EP400: variants seen among roughly 807,000 people sequenced by gnomAD.
The protein encoded by EP400 is E1A binding protein p400.
EP400 carries 105 observed loss-of-function variants against 354.1 expected under a neutral mutation model. That is an observed-to-expected ratio of 0.30 (90% CI 0.25 to 0.35). The LOEUF (loss-of-function observed/expected upper bound fraction) is 0.35. Ranked by LOEUF, EP400 falls within the 10% of genes least tolerant of loss-of-function variation. The pLI, the probability that EP400 is intolerant of heterozygous loss-of-function variation, is 1.00. For synonymous variants in EP400, 1,646 were observed against 1,716.9 expected (o/e 0.96, Z 1.02); for missense variants, 3,280 against 4,121.0 (o/e 0.80, Z 5.59).
In EP400 at chr12:131,986,537, T is replaced by C. The variant is rs1892859950; in HGVS notation, c.1953T>C (p.Pro651=). 6.2e-7 allele frequency: 1 copy of C among 1,610,240 alleles called. No individual in the cohort carries two copies. The highest frequency in any genetic ancestry group is 1.3e-5 in the African/African-American group (1 of 74,922). The change falls in exon 6 of 53, where the codon CCT becomes CCC. Residue 651 remains proline, a synonymous_variant. Coordinates refer to ENST00000389561, the MANE Select transcript of EP400 (RefSeq NM_015409.5). ...AGATGGTAGCATCGACAAGGCTCCC[T>C]GTGGACCCTGCCCCGCCCTGCCCAC... ...LPQMVASTRL[P]VDPAPPCPRP... is the part of the protein sequence containing the mutation.
At chr12:132,076,319 GCAGT>G in intron 51 of EP400, 193 bp from the exon 52 acceptor site, 1 of 683,200 alleles carries the variant, frequency 1.5e-6, no homozygotes, top group Non-Finnish European at 2.7e-6. Context: ...AATTGGGGAG[GCAGT>G]CAGTTGACTC....
intron 1 of EP400, among the ~76,000 whole-genome samples, chr12:131,957,624 T>C (rs1282749133): frequency 6.6e-6 from 1 of 151,810 alleles, no homozygotes; most frequent in Non-Finnish European, 1.5e-5. Flanking sequence ...TGAGACAGTT[T>C]TGGTTTTGTT....
At chr12:131,962,055 T>A in intron 2 of EP400, 101 bp downstream of exon 2, 4 of 1,409,860 alleles carry the variant, frequency 2.8e-6, no homozygotes, top group Non-Finnish European at 3.8e-6. Flanking sequence ...GCGGTATTTC[T>A]AAGGTATTTC....
At chr12:131,963,183 C>G (rs917327590) in intron 2 of EP400, among the ~76,000 whole-genome samples, 1 of 152,188 alleles carries the variant, frequency 6.6e-6, no homozygotes, top group Non-Finnish European at 1.5e-5. Flanking sequence ...AGACCTTTGC[C>G]ATTCTGACCC....
In EP400 at chr12:132,017,403, T is replaced by G. The variant is rs770254425; in HGVS notation, c.3924-132T>G. 7 of 902,576 alleles carry G rather than the reference T, an allele frequency of 7.8e-6. No homozygotes were observed. The highest frequency in any genetic ancestry group is 1.0e-5 in the Non-Finnish European group (6 of 590,148). 55.9% of individuals were successfully genotyped at this position (902,576 alleles called of 1,614,324 possible). ...TGTGGACTTGAATGGCCACTCTGTC[T>G]AACTCATTAAGCGGACCTAGAAAAT... On this transcript the variant is annotated intron_variant, in intron 19 of 52. Coordinates refer to ENST00000389561, the MANE Select transcript of EP400 (RefSeq NM_015409.5). The surrounding 1 kb of genome is among the most constrained non-coding windows in gnomAD (Gnocchi z 5.0).
At chr12:131,981,148 GC>G (rs1430810046) in intron 3 of EP400, among the ~76,000 whole-genome samples, 2 of 152,140 alleles carry the variant, frequency 1.3e-5, no homozygotes, top group Non-Finnish European at 2.9e-5. Flanking sequence ...CTGCTCCACT[GC>G]CCGCTCTCCA....
Position 132,077,653 on chromosome 12 carries a change from A to G in EP400, c.9352A>G (p.Thr3118Ala), listed in dbSNP as rs1292569588. The G allele has an allele frequency of 1.2e-6, 2 of 1,611,282 alleles. No homozygotes were observed. The highest frequency in any genetic ancestry group is 2.2e-5 in the South Asian group (2 of 90,848). The part of the protein sequence containing the change: ...RVPAVRLKTP[T>A]KPPCQ The stretch of plus-strand genomic sequence containing the variant: ...CCCTGCTGTCAGGCTAAAGACACCT[A>G]CTAAGCCTCCGTGCCAGTAGTCAGG... Residue 3118 changes from threonine to alanine, a missense_variant, in exon 53 of 53, where the codon ACT becomes GCT. Thr to Ala is a moderately conservative substitution (Grantham distance 58). Transcript: ENST00000389561.
At chr12:131,997,708 G>T (rs551261551) in intron 12 of EP400, among the ~76,000 whole-genome samples, 54 of 151,118 alleles carry the variant, frequency 3.6e-4, no homozygotes, top group African/African-American at 1.2e-3. Flanking sequence ...CTTCATCCTC[G>T]TCATCTTCAC....
chr12:131,972,213 C>T (rs61942458), intron 2 of EP400, among the ~76,000 whole-genome samples: 18,992 of 150,724 alleles, frequency 0.13, 1,631 homozygotes, highest in African/African-American at 0.25. Flanking sequence ...AGTGCAGTGG[C>T]GCGATCTCGG....
chr12:131,970,356 G>A (rs1892247109), intron 2 of EP400, among the ~76,000 whole-genome samples: 1 of 144,056 alleles, frequency 6.9e-6, no homozygotes, highest in Admixed American at 6.8e-5. Context: ...ATTCTCATCT[G>A]CTTTTGATGA....
At chr12:131,986,458 T>C in intron 5 of EP400, 56 bp from the exon 6 acceptor site, 1 of 1,526,964 alleles carries the variant, frequency 6.5e-7, no homozygotes, top group East Asian at 2.3e-5. Context: ...TTTGGCACCG[T>C]GGGCTGCCCC....
chr12:131,992,700 A>G (rs1312401448), intron 11 of EP400, among the ~76,000 whole-genome samples: 1 of 152,084 alleles, frequency 6.6e-6, no homozygotes, highest in East Asian at 1.9e-4. Context: ...CCTATTTCCA[A>G]ACCCATGTGG....
chr12:132,044,119 G>A (rs201904838), intron 34 of EP400, 58 bp from the exon 35 acceptor site: 66 of 1,595,266 alleles, frequency 4.1e-5, no homozygotes, highest in South Asian at 5.6e-5. Context: ...GCAGGGACTC[G>A]GGGGCTGCTC....
chr12:131,952,302 C>CAA (rs927214848), intron 1 of EP400, among the ~76,000 whole-genome samples: 506 of 46,644 alleles, frequency 0.011, 2 homozygotes, highest in Non-Finnish European at 0.019. Flanking sequence ...GACTCTGTCT[C>CAA]AAAAAAAAAA....
rs770796136 is a variant in EP400, at chr12:132,006,177, A to C, written c.3001A>C (p.Ile1001Leu). The stretch of plus-strand genomic sequence containing the variant: ...CTTGGTTCTCATCGACTCGCTTTTC[A>C]TCATGGATCAGTTCAAAGCTGCCGA... ...KDLVLIDSLF[I>L]MDQFKAAERM... The change falls in exon 14 of 53, where the codon ATC becomes CTC. Residue 1001 changes from isoleucine to leucine, a missense_variant. By Grantham distance (5) the Ile-to-Leu change is conservative. Coordinates refer to ENST00000389561, the MANE Select transcript of EP400 (RefSeq NM_015409.5). 5.6e-5 allele frequency: 91 copies of C among 1,614,188 alleles called. No individual in the cohort carries two copies. Among genetic ancestry groups the C allele is most frequent in the Non-Finnish European group, 5.8e-5 (69 of 1,180,044 alleles).
At chr12:131,999,972 T>C (rs1361698399) in intron 12 of EP400, among the ~76,000 whole-genome samples, 4 of 151,512 alleles carry the variant, frequency 2.6e-5, no homozygotes, top group African/African-American at 9.7e-5. Flanking sequence ...CAAAAGTTTG[T>C]CAGATTCTTT....
At chr12:131,993,376 T>C (rs1893105825) in intron 11 of EP400, among the ~76,000 whole-genome samples, 1 of 152,182 alleles carries the variant, frequency 6.6e-6, no homozygotes, top group Non-Finnish European at 1.5e-5. Context: ...GATTGAACTC[T>C]GGCCTTTCAG....
chr12:131,999,579 T>C lies in EP400; in HGVS notation c.2827+4623T>C, dbSNP rs148419103. Among the ~76,000 whole-genome samples, 1,079 of 152,058 alleles carry C rather than the reference T, an allele frequency of 7.1e-3. 35 individuals carry two copies. The South Asian group carries it at 0.093, about 13-fold the overall frequency. ...TCAGCCTCCTGAGTAGCTGGGATTATAGGCACCAGCCACCATGCCTGGCTA... is the reference window on the plus strand; with the variant it reads ...TCAGCCTCCTGAGTAGCTGGGATTACAGGCACCAGCCACCATGCCTGGCTA... On this transcript the variant is annotated intron_variant, in intron 12 of 52. Transcript: ENST00000389561.
chr12:131,963,765 C>A, intron 2 of EP400: 2 of 698,064 alleles, frequency 2.9e-6, no homozygotes, highest in Non-Finnish European at 4.7e-6. Flanking sequence ...TCTTATTTTT[C>A]AACAGTAAAA....
Sources: gnomAD v4.1 joint callset for allele counts (sites outside exome capture counted in the v4.1 genomes callset) on GRCh38, gnomAD v4.1.1 for gene constraint, Gnocchi (gnomAD v3.1) non-coding constraint, MANE v1.5 for transcripts, NCBI Gene and HGNC (gene_info 2026-07-23, HGNC 2026-07-21) for gene names.